The following PLXNA4 variants were observed in gnomAD, a reference collection of about 807,000 sequenced individuals.
PLXNA4 encodes the protein plexin A4.
Under a neutral mutation model 191.8 loss-of-function variants are expected in PLXNA4, and 44 were observed. The observed-to-expected ratio is 0.23, with a 90% CI of 0.18 to 0.29. The LOEUF (loss-of-function observed/expected upper bound fraction) is 0.29. Among genes scored for constraint, PLXNA4 ranks in the 10% least tolerant of loss-of-function variants. The pLI is 1.00. For synonymous variants in PLXNA4, 1,082 were observed against 1,009.5 expected, an observed-to-expected ratio of 1.07 and a Z score of -1.36; for missense variants, 1,800 against 2,488.8, an observed-to-expected ratio of 0.72 and a Z score of 5.89.
chr7:132,532,042 T>A (rs1321302762), intron 1 of PLXNA4, among the ~76,000 whole-genome samples: 1 of 152,236 alleles, frequency 6.6e-6, no homozygotes, highest in Non-Finnish European at 1.5e-5. Context: ...CAAAGTTTTT[T>A]TCACTACAGC....
rs186143522 is a variant in PLXNA4 at position 132,574,578 on chromosome 7, G to A, written c.-87+1844C>T. Among the ~76,000 whole-genome samples, 247 of 152,302 alleles carry A rather than the reference G, an allele frequency of 1.6e-3. 1 individual carries two copies. The highest frequency in any genetic ancestry group is 2.6e-3 in the Non-Finnish European group (179 of 68,030). ...ATATATTGGGTGTGTGTGTGCACACGCCCACCATTCTTAAAAAGCAAATAA... is the reference window on the plus strand; with the variant it reads ...ATATATTGGGTGTGTGTGTGCACACACCCACCATTCTTAAAAAGCAAATAA... On this transcript the variant is annotated intron_variant, in intron 1 of 31. Transcript: ENST00000321063.
At chr7:132,145,368 T>A (rs781734382) in intron 28 of PLXNA4, 80 bp from the exon 29 acceptor site, 509 of 1,584,812 alleles carry the variant, frequency 3.2e-4, no homozygotes, top group Non-Finnish European at 4.2e-4. Flanking sequence ...CTCACAGACC[T>A]AGGCAGGGGA....
rs1485971060 is a variant in PLXNA4 at position 132,415,637 on chromosome 7, C to G, written c.1371+73655G>C. Reference sequence around the variant, plus strand: ...TGGAAATACACTTCCCTTTCTCCCTCTTTCTCCTCCTCACTCTCAGCTAAC... The same window carrying G: ...TGGAAATACACTTCCCTTTCTCCCTGTTTCTCCTCCTCACTCTCAGCTAAC... On this transcript the variant is annotated intron_variant, in intron 3 of 31. Transcript: ENST00000321063. 2.6e-5 allele frequency among the ~76,000 whole-genome samples: 4 copies of G among 152,236 alleles called. No homozygotes were observed. In the East Asian group the frequency reaches 7.7e-4, roughly 29 times the overall value.
intron 3 of PLXNA4, among the ~76,000 whole-genome samples, chr7:132,475,577 G>A (rs1226930892): frequency 2.6e-5 from 4 of 151,992 alleles, no homozygotes; most frequent in Non-Finnish European, 5.9e-5. Flanking sequence ...ACAGGTCAAG[G>A]GAGAAATAAA....
chr7:132,545,487 A>C (rs1800261266), intron 1 of PLXNA4, among the ~76,000 whole-genome samples: 1 of 152,228 alleles, frequency 6.6e-6, no homozygotes, highest in South Asian at 2.1e-4. Flanking sequence ...CTGGGATGAG[A>C]AAAACAAGCC....
At chr7:132,639,223 C>T (rs1803669009) in intron 2 of PLXNA4, among the ~76,000 whole-genome samples, 1 of 152,208 alleles carries the variant, frequency 6.6e-6, no homozygotes, top group African/African-American at 2.4e-5. Flanking sequence ...TCCAGGGCTT[C>T]TCATTTAAAA....
chr7:132,382,375 C>T (rs1416070430), intron 3 of PLXNA4, among the ~76,000 whole-genome samples: 2 of 152,130 alleles, frequency 1.3e-5, no homozygotes, highest in Admixed American at 6.5e-5. Context: ...ACAGCCCCTG[C>T]TGCTGCTGCC....
chr7:132,625,321 C>T, intron 2 of PLXNA4, among the ~76,000 whole-genome samples: 1 of 152,102 alleles, frequency 6.6e-6, no homozygotes. Context: ...TCAAGGGATC[C>T]CTAACTCTGC....
intron 4 of PLXNA4, among the ~76,000 whole-genome samples, chr7:132,250,449 C>T (rs554346268): frequency 1.3e-5 from 2 of 152,302 alleles, no homozygotes; most frequent in South Asian, 2.1e-4. Flanking sequence ...ATTTGGCAAC[C>T]TTGGCTCTAC....
At chr7:132,255,353 T>G (rs1799396904) in intron 4 of PLXNA4, among the ~76,000 whole-genome samples, 1 of 152,184 alleles carries the variant, frequency 6.6e-6, no homozygotes, top group Non-Finnish European at 1.5e-5. Flanking sequence ...CTGAAAGCTA[T>G]GCAGATTAAA....
chr7:132,222,418 G>A (rs1244068441), intron 9 of PLXNA4, among the ~76,000 whole-genome samples: 1 of 152,202 alleles, frequency 6.6e-6, no homozygotes, highest in Non-Finnish European at 1.5e-5. Flanking sequence ...GTATGAGTCT[G>A]GGATGGGGAG....
At position 132,627,443 on chromosome 7, in the gene PLXNA4, C is replaced by A. The variant is rs116606554; in HGVS notation, c.-87+18485G>T. On this transcript the variant is annotated intron_variant, in intron 2 of 4. Transcript: ENST00000378539. ...CATGGTGTATACTATGATTACATTT[C>A]TTTTCCTGTACAGTTTTGTTTGTTT... Among the ~76,000 whole-genome samples the A allele has an allele frequency of 1.8e-3, 275 of 151,470 alleles. 1 individual carries two copies. Among genetic ancestry groups the A allele is most frequent in the African/African-American group, 6.3e-3 (259 of 40,822 alleles).
At chr7:132,608,364 T>A (rs1416196007) in intron 2 of PLXNA4, among the ~76,000 whole-genome samples, 1 of 152,166 alleles carries the variant, frequency 6.6e-6, no homozygotes, top group Non-Finnish European at 1.5e-5. Flanking sequence ...TTCACCAACA[T>A]ATTAATTCTA....
At chr7:132,207,359 A>G (rs966708180) in intron 10 of PLXNA4, among the ~76,000 whole-genome samples, 3 of 152,344 alleles carry the variant, frequency 2.0e-5, no homozygotes, top group East Asian at 3.9e-4. Context: ...CACGACCAGC[A>G]CTTCAGCCAG....
At chr7:132,268,956 T>C (rs1799957608) in intron 4 of PLXNA4, among the ~76,000 whole-genome samples, 1 of 152,212 alleles carries the variant, frequency 6.6e-6, no homozygotes, top group African/African-American at 2.4e-5. Context: ...AAGTCTCAGT[T>C]GGCAAGGCAC....
intron 4 of PLXNA4, among the ~76,000 whole-genome samples, chr7:132,262,127 A>T (rs1799668259): frequency 6.6e-6 from 1 of 152,074 alleles, no homozygotes; most frequent in African/African-American, 2.4e-5. Context: ...CTTGAACTTG[A>T]CCCAGCCCTT....
intron 4 of PLXNA4, among the ~76,000 whole-genome samples, chr7:132,284,724 G>A (rs560454090): frequency 6.6e-6 from 1 of 152,292 alleles, no homozygotes; most frequent in African/African-American, 2.4e-5. Flanking sequence ...CGCTCCAGAG[G>A]ATACATGAGT....
At chr7:132,360,621 A>G (rs1803895976) in intron 3 of PLXNA4, among the ~76,000 whole-genome samples, 1 of 152,220 alleles carries the variant, frequency 6.6e-6, no homozygotes, top group South Asian at 2.1e-4. Flanking sequence ...GACAACAACA[A>G]AAAGATAAAA....
chr7:132,152,046 C>T (rs1262807332), intron 25 of PLXNA4, among the ~76,000 whole-genome samples: 1 of 152,180 alleles, frequency 6.6e-6, no homozygotes, highest in Non-Finnish European at 1.5e-5. Flanking sequence ...TCCCTAGGCT[C>T]ATCACGGAAT....
Sources: gnomAD v4.1 joint callset for allele counts (sites outside exome capture counted in the v4.1 genomes callset) on GRCh38, gnomAD v4.1.1 for gene constraint, MANE v1.5 for transcripts, NCBI Gene and HGNC (gene_info 2026-07-23, HGNC 2026-07-21) for gene names.